Variants in UBP1 observed in about 807,000 individuals in gnomAD.
UBP1 encodes the protein upstream-binding protein 1.
In UBP1, 22 loss-of-function variants were observed where a neutral mutation model predicts 76.1. The ratio of observed to expected loss-of-function variants is 0.29; its 90% confidence interval spans 0.21 to 0.41. The LOEUF (loss-of-function observed/expected upper bound fraction) is 0.41. Among genes scored for constraint, UBP1 ranks in the 10% least tolerant of loss-of-function variants. The probability of loss-of-function intolerance (pLI) is 1.00; values close to 1 mark genes in which losing one functional copy is unlikely to be tolerated. For synonymous variants in UBP1, 224 were observed against 237.1 expected (o/e 0.94, Z 0.51); for missense variants, 436 against 668.1 (o/e 0.65, Z 3.83).
rs938471033 is a variant in UBP1 at position 33,416,911 on chromosome 3, T to C, written c.266-77A>G. On this transcript the variant is annotated intron_variant, in intron 2 of 15. Transcript: ENST00000283629. ...TGCTTAACATAATTCAAAATGCATG[T>C]TTCTCAGAACATACATTACACAATG... 16 of 1,255,462 alleles carry C rather than the reference T, an allele frequency of 1.3e-5. No individual in the cohort carries two copies. The African/African-American group carries it at 2.4e-4, about 19-fold the overall frequency. 77.8% of individuals were successfully genotyped at this position (1,255,462 alleles called of 1,614,324 possible). A position where few individuals can be genotyped will look rare whatever the true frequency, so the allele number is the denominator to read the frequency against.
Position 33,389,247 on chromosome 3 carries a change from T to C in UBP1, c.*1084A>G, listed in dbSNP as rs942375724. The C allele has an allele frequency of 6.6e-6, 1 of 152,642 alleles. No individual in the cohort carries two copies. The highest frequency in any genetic ancestry group is 2.4e-5 in the African/African-American group (1 of 41,450). The allele number at this position is 152,642 out of a possible 1,614,324, so 9.5% of individuals were successfully genotyped here. Reference sequence around the variant, plus strand: ...CATCACCAGAATGTCTATCCATGATTGTACTAAAGCTCAATATTTGAGAGG... The same window carrying C: ...CATCACCAGAATGTCTATCCATGATCGTACTAAAGCTCAATATTTGAGAGG... On this transcript the variant is annotated 3_prime_UTR_variant, in exon 16 of 16. Coordinates refer to ENST00000283629, the MANE Select transcript of UBP1 (RefSeq NM_014517.5).
intron 2 of UBP1, among the ~76,000 whole-genome samples, chr3:33,423,933 T>C (rs1431535711): frequency 6.6e-6 from 1 of 152,264 alleles, no homozygotes; most frequent in Non-Finnish European, 1.5e-5. Flanking sequence ...ACAACCATGA[T>C]AAATTATGGG....
chr3:33,431,632 C>T (rs1254835958), intron 1 of UBP1, among the ~76,000 whole-genome samples: 3 of 151,634 alleles, frequency 2.0e-5, no homozygotes, highest in Non-Finnish European at 2.9e-5. Flanking sequence ...CCCAGCTACT[C>T]AGGAGGCTGA....
chr3:33,396,036 C>T, intron 13 of UBP1, 126 bp downstream of exon 13: 1 of 780,046 alleles, frequency 1.3e-6, no homozygotes, highest in Non-Finnish European at 1.9e-6. Context: ...GCTGTCAAGG[C>T]TCCCACATGA....
rs545804207 is a variant in UBP1 at position 33,412,842 on chromosome 3, C to A, written c.343-15G>T. 13 of 1,568,694 alleles carry A rather than the reference C, an allele frequency of 8.3e-6. No individual in the cohort carries two copies. In the African/African-American group the frequency reaches 1.5e-4, roughly 18 times the overall value. On this transcript the variant is annotated splice_polypyrimidine_tract_variant and intron_variant, in intron 3 of 15. Coordinates refer to ENST00000283629, the MANE Select transcript of UBP1 (RefSeq NM_014517.5). Reference sequence around the variant, plus strand: ...CTTATGATGCTCTGTGGAATAAGTGCGGAAAATGAGTACTTTTAAACTGCT... The same window carrying A: ...CTTATGATGCTCTGTGGAATAAGTGAGGAAAATGAGTACTTTTAAACTGCT...
intron 9 of UBP1, among the ~76,000 whole-genome samples, chr3:33,401,657 G>A (rs1490910246): frequency 6.6e-6 from 1 of 152,154 alleles, no homozygotes; most frequent in African/African-American, 2.4e-5. Context: ...TTATTATCTT[G>A]ATTATTTATA....
In UBP1 at chr3:33,439,860, G is replaced by A. The variant is rs765536871; in HGVS notation, c.-12C>T. Reference sequence around the variant, plus strand: ...AGCACCCAGGCCATCTTCCGGCCTCGCCGTCGCCCCGCACACCGCGGCCTC... The same window carrying A: ...AGCACCCAGGCCATCTTCCGGCCTCACCGTCGCCCCGCACACCGCGGCCTC... On this transcript the variant is annotated 5_prime_UTR_variant, in exon 1 of 16. Transcript: ENST00000283629. 1.6e-5 allele frequency: 25 copies of A among 1,610,446 alleles called. No homozygotes were observed. Among genetic ancestry groups the A allele is most frequent in the Non-Finnish European group, 2.0e-5 (24 of 1,179,006 alleles).
chr3:33,408,964 GC>G (rs902159952), intron 7 of UBP1, among the ~76,000 whole-genome samples, 167 bp from the exon 8 acceptor site: 1 of 152,076 alleles, frequency 6.6e-6, no homozygotes, highest in African/African-American at 2.4e-5. Flanking sequence ...GACTTTCTAG[GC>G]TCCAACTTAA....
chr3:33,431,719 G>C (rs1204194278), intron 1 of UBP1, among the ~76,000 whole-genome samples: 1 of 148,758 alleles, frequency 6.7e-6, no homozygotes, highest in African/African-American at 2.5e-5. Flanking sequence ...CAGCCTGGGC[G>C]ACAGAGTGAG....
chr3:33,434,921 G>A (rs1020855959), intron 1 of UBP1, among the ~76,000 whole-genome samples: 2 of 152,034 alleles, frequency 1.3e-5, no homozygotes, highest in Non-Finnish European at 2.9e-5. Context: ...TCTTGACCTC[G>A]TGATCCGCCC....
intron 2 of UBP1, among the ~76,000 whole-genome samples, chr3:33,422,509 G>A (rs1169972784): frequency 6.6e-6 from 1 of 152,130 alleles, no homozygotes; most frequent in Non-Finnish European, 1.5e-5. Context: ...TTGAGCCCAG[G>A]AGTCGGAGAT....
intron 1 of UBP1, among the ~76,000 whole-genome samples, chr3:33,434,018 G>C (rs567856601): frequency 6.6e-6 from 1 of 152,050 alleles, no homozygotes; most frequent in Non-Finnish European, 1.5e-5. Context: ...CAAAGCAAAC[G>C]TTTAAATGTG....
intron 15 of UBP1, 47 bp downstream of exon 15, chr3:33,392,516 A>ATCTC: frequency 6.5e-7 from 1 of 1,539,250 alleles, no homozygotes. Context: ...GGCACACACC[A>ATCTC]TCTCTCATGA....
At chr3:33,408,618 T>A in intron 8 of UBP1, 72 bp downstream of exon 8, 1 of 1,265,964 alleles carries the variant, frequency 7.9e-7, no homozygotes, top group Non-Finnish European at 1.1e-6. Flanking sequence ...TACTTTGCGG[T>A]GGAAGTTGGT....
At chr3:33,408,829 C>A (rs747094588) in intron 7 of UBP1, 32 bp from the exon 8 acceptor site, 1 of 1,566,986 alleles carries the variant, frequency 6.4e-7, no homozygotes, top group Admixed American at 1.7e-5. Context: ...GGATCAATGT[C>A]TTTTCATTAT....
intron 2 of UBP1, among the ~76,000 whole-genome samples, chr3:33,423,790 T>C (rs906088197): frequency 2.0e-5 from 3 of 152,238 alleles, no homozygotes; most frequent in Admixed American, 6.5e-5. Context: ...CTGTGAGAAC[T>C]GAATAAGGTT....
intron 4 of UBP1, among the ~76,000 whole-genome samples, chr3:33,412,186 C>CAAA (rs1227146812): frequency 7.9e-5 from 5 of 63,428 alleles, no homozygotes; most frequent in Non-Finnish European, 1.3e-4. Context: ...AACTCCGTCT[C>CAAA]AAAAAAAAAA....
intron 8 of UBP1, among the ~76,000 whole-genome samples, chr3:33,405,031 A>G (rs1364399441): frequency 6.6e-6 from 1 of 152,226 alleles, no homozygotes; most frequent in African/African-American, 2.4e-5. Context: ...AGTTTTAAAT[A>G]TCTTGACTGA....
chr3:33,426,915 G>A (rs1360760238), intron 1 of UBP1, among the ~76,000 whole-genome samples: 2 of 152,130 alleles, frequency 1.3e-5, no homozygotes, highest in African/African-American at 4.8e-5. Flanking sequence ...ATTCTGCTAA[G>A]TATACACCTG....
Sources: allele counts gnomAD v4.1 joint callset (sites outside exome capture counted in the v4.1 genomes callset), GRCh38; gene constraint gnomAD v4.1.1; transcripts MANE v1.5; gene names NCBI Gene and HGNC (gene_info 2026-07-23, HGNC 2026-07-21).